The following HS6ST3 variants were observed in gnomAD, a reference collection of about 807,000 sequenced individuals.
HS6ST3 encodes the protein heparan-sulfate 6-O-sulfotransferase 3.
A neutral mutation model predicts 36.7 loss-of-function variants in HS6ST3; 12 were observed. That is an observed-to-expected ratio of 0.33 (90% confidence interval 0.21 to 0.53). The LOEUF is 0.53. Among genes scored for constraint, HS6ST3 ranks in the 20% least tolerant of loss-of-function variants. HS6ST3 has a pLI of 0.95. For synonymous variants in HS6ST3, 240 were observed against 257.5 expected (o/e 0.93, Z 0.65); for missense variants, 584 against 640.9 (o/e 0.91, Z 0.96).
intron 1 of HS6ST3, among the ~76,000 whole-genome samples, chr13:96,268,946 C>T (rs1269659033): frequency 6.6e-6 from 1 of 151,936 alleles, no homozygotes; most frequent in East Asian, 1.9e-4. Context: ...ACCACTCTGG[C>T]TGGTAAGCAA....
intron 1 of HS6ST3, among the ~76,000 whole-genome samples, chr13:96,336,338 T>C (rs2055100800): frequency 6.6e-6 from 1 of 152,202 alleles, no homozygotes; most frequent in Admixed American, 6.5e-5. Context: ...ATTTTAGGTA[T>C]TATCTACTGA....
At chr13:96,581,497 C>T (rs1420127387) in intron 1 of HS6ST3, among the ~76,000 whole-genome samples, 1 of 152,052 alleles carries the variant, frequency 6.6e-6, no homozygotes, top group Non-Finnish European at 1.5e-5. Context: ...TCTGGGATTA[C>T]AGGTATGAGC....
chr13:96,436,081 A>G (rs2055640280), intron 1 of HS6ST3, among the ~76,000 whole-genome samples: 1 of 152,120 alleles, frequency 6.6e-6, no homozygotes, highest in African/African-American at 2.4e-5. Flanking sequence ...CTTTTTCTGC[A>G]AGGAATTGGA....
intron 1 of HS6ST3, among the ~76,000 whole-genome samples, chr13:96,722,988 CGTGT>C (rs34651683): frequency 0.053 from 7,678 of 143,574 alleles, 228 homozygotes; most frequent in Middle Eastern, 0.08. Context: ...AAAAAATATA[CGTGT>C]GTGTGTGTGT....
At chr13:96,262,083 A>G (rs956796802) in intron 1 of HS6ST3, among the ~76,000 whole-genome samples, 1 of 152,206 alleles carries the variant, frequency 6.6e-6, no homozygotes, top group Non-Finnish European at 1.5e-5. Flanking sequence ...GGTTATCAGA[A>G]TGGTGCATCA....
intron 1 of HS6ST3, among the ~76,000 whole-genome samples, chr13:96,161,553 A>G (rs2054135822): frequency 1.3e-5 from 2 of 152,156 alleles, no homozygotes; most frequent in Non-Finnish European, 2.9e-5. Flanking sequence ...CTAGGAACAT[A>G]TTTTACTACT....
chr13:96,571,033 G>A (rs918326324), intron 1 of HS6ST3, among the ~76,000 whole-genome samples: 1 of 152,168 alleles, frequency 6.6e-6, no homozygotes, highest in Non-Finnish European at 1.5e-5. Flanking sequence ...AGTTATTGGT[G>A]AAGCATCTGT....
intron 1 of HS6ST3, among the ~76,000 whole-genome samples, chr13:96,310,323 A>T (rs2054934154): frequency 6.6e-6 from 1 of 152,214 alleles, no homozygotes; most frequent in African/African-American, 2.4e-5. Context: ...TTGAAATGAA[A>T]TTTATTTATC....
intron 1 of HS6ST3, among the ~76,000 whole-genome samples, chr13:96,146,360 A>G (rs2054058316): frequency 6.6e-6 from 1 of 152,114 alleles, no homozygotes; most frequent in Admixed American, 6.5e-5. Flanking sequence ...TTCCTTGAAG[A>G]GGTCCTTCAC....
intron 1 of HS6ST3, among the ~76,000 whole-genome samples, chr13:96,216,208 C>T (rs1034623634): frequency 1.3e-5 from 2 of 152,192 alleles, no homozygotes; most frequent in Non-Finnish European, 2.9e-5. Context: ...TGCACAATTT[C>T]TGGTCAATCA....
intron 1 of HS6ST3, among the ~76,000 whole-genome samples, chr13:96,133,133 T>TA (rs1378294636): frequency 4.6e-5 from 7 of 151,978 alleles, no homozygotes; most frequent in African/African-American, 1.7e-4. Flanking sequence ...ATTAATTAAT[T>TA]ATTATTATTT....
At chr13:96,421,885 A>G (rs1382835204) in intron 1 of HS6ST3, among the ~76,000 whole-genome samples, 2 of 152,178 alleles carry the variant, frequency 1.3e-5, no homozygotes, top group African/African-American at 2.4e-5. Context: ...GATATTTGGC[A>G]TGTAGATAAG....
At chr13:96,144,658 T>C (rs956557715) in intron 1 of HS6ST3, among the ~76,000 whole-genome samples, 4 of 151,894 alleles carry the variant, frequency 2.6e-5, no homozygotes, top group African/African-American at 4.8e-5. Context: ...ATTATTATTA[T>C]ACTTTAAGTT....
At chr13:96,581,138 T>C (rs2056340434) in intron 1 of HS6ST3, among the ~76,000 whole-genome samples, 2 of 152,176 alleles carry the variant, frequency 1.3e-5, no homozygotes, top group Non-Finnish European at 2.9e-5. Context: ...TAGTATACCA[T>C]TTGAAAAAGG....
intron 1 of HS6ST3, among the ~76,000 whole-genome samples, chr13:96,524,218 C>T (rs551045674): frequency 1.3e-5 from 2 of 152,244 alleles, no homozygotes; most frequent in South Asian, 4.2e-4. Flanking sequence ...CTGCCTGATC[C>T]TTCCTCTGGA....
At chr13:96,374,548 G>A (rs1415085012) in intron 1 of HS6ST3, among the ~76,000 whole-genome samples, 1 of 152,102 alleles carries the variant, frequency 6.6e-6, no homozygotes, top group East Asian at 1.9e-4. Context: ...TCCCTCCAAT[G>A]GGCTTGCAGG....
intron 1 of HS6ST3, among the ~76,000 whole-genome samples, chr13:96,133,620 G>A (rs1594688827): frequency 6.7e-6 from 1 of 148,166 alleles, no homozygotes; most frequent in Non-Finnish European, 1.5e-5. Flanking sequence ...TCGGGGTTTC[G>A]CCATGTTGGC....
At chr13:96,497,111 G>A (rs544263896) in intron 1 of HS6ST3, among the ~76,000 whole-genome samples, 11 of 152,182 alleles carry the variant, frequency 7.2e-5, no homozygotes, top group Admixed American at 3.3e-4. Flanking sequence ...TTTGGGCACC[G>A]GGGGAAGATC....
At chr13:96,753,438 A>G (rs1264634652) in intron 1 of HS6ST3, among the ~76,000 whole-genome samples, 2 of 152,274 alleles carry the variant, frequency 1.3e-5, no homozygotes, top group Non-Finnish European at 2.9e-5. Context: ...TACATCTTTT[A>G]TTAAATTTTT....
Sources: allele counts gnomAD v4.1 joint callset (sites outside exome capture counted in the v4.1 genomes callset), GRCh38; gene constraint gnomAD v4.1.1; transcripts MANE v1.5; gene names NCBI Gene and HGNC (gene_info 2026-07-23, HGNC 2026-07-21).